SIPA1L2: variants seen among roughly 807,000 people sequenced by gnomAD.
SIPA1L2 encodes the protein signal induced proliferation associated 1 like 2, also known as signal-induced proliferation-associated 1-like protein 2.
In SIPA1L2, 56 loss-of-function variants were observed where a neutral mutation model predicts 163.9. That is an observed-to-expected ratio of 0.34 (90% confidence interval 0.28 to 0.43). The LOEUF (loss-of-function observed/expected upper bound fraction) is 0.43. Among genes scored for constraint, SIPA1L2 ranks in the 20% least tolerant of loss-of-function variants. SIPA1L2 has a pLI of 1.00. For synonymous variants in SIPA1L2, 877 were observed against 865.7 expected (o/e 1.01, Z -0.23); for missense variants, 1,974 against 2,193.5 (o/e 0.90, Z 2.00).
intron 18 of SIPA1L2, among the ~76,000 whole-genome samples, chr1:232,423,174 C>T (rs935074925): frequency 2.6e-5 from 4 of 152,244 alleles, no homozygotes; most frequent in African/African-American, 9.6e-5. Flanking sequence ...CAATTAGAGG[C>T]TAATGCAAGT....
intron 3 of SIPA1L2, among the ~76,000 whole-genome samples, chr1:232,510,176 G>A (rs1345988148): frequency 2.0e-5 from 3 of 152,012 alleles, no homozygotes; most frequent in Non-Finnish European, 4.4e-5. Context: ...AGATGAATAA[G>A]GGGAAATGTC....
rs74144361 is a variant in SIPA1L2, at chr1:232,531,102, A to G, written c.-269-15494T>C. On this transcript the variant is annotated intron_variant, in intron 2 of 22. Coordinates refer to ENST00000674635, the MANE Select transcript of SIPA1L2 (RefSeq NM_020808.5). ...TCTGTAGGTGCCAAGCACTTTCTAA[A>G]TGCCTTTTAAGTATTTGAATTTTGA... 6.3e-3 allele frequency among the ~76,000 whole-genome samples: 965 copies of G among 152,314 alleles called. 11 individuals are homozygous for G. The highest frequency in any genetic ancestry group is 0.022 in the African/African-American group (917 of 41,550).
intron 2 of SIPA1L2, among the ~76,000 whole-genome samples, chr1:232,555,240 ACT>A (rs973149790): frequency 4.6e-5 from 7 of 152,200 alleles, no homozygotes; most frequent in Non-Finnish European, 1.0e-4. Context: ...AAGTTTTCAG[ACT>A]CAACAATTCA....
At chr1:232,494,825 C>T (rs973381657) in intron 3 of SIPA1L2, among the ~76,000 whole-genome samples, 1 of 152,158 alleles carries the variant, frequency 6.6e-6, no homozygotes, top group African/African-American at 2.4e-5. Flanking sequence ...AGGTGGTAAA[C>T]GCAAACCTCC....
chr1:232,505,083 GAA>G (rs1380862853), intron 3 of SIPA1L2, among the ~76,000 whole-genome samples: 3 of 152,156 alleles, frequency 2.0e-5, no homozygotes, highest in Non-Finnish European at 4.4e-5. Context: ...AGTGAAAAAT[GAA>G]AAGACTGAAG....
intron 2 of SIPA1L2, among the ~76,000 whole-genome samples, chr1:232,552,730 T>C (rs987681372): frequency 2.0e-5 from 3 of 152,124 alleles, no homozygotes; most frequent in Non-Finnish European, 2.9e-5. Context: ...GCAAATATAG[T>C]ATAAGAGAAA....
chr1:232,526,135 C>G (rs140796480), intron 2 of SIPA1L2, among the ~76,000 whole-genome samples: 52 of 152,318 alleles, frequency 3.4e-4, no homozygotes, highest in African/African-American at 1.3e-3. Context: ...TGAGAAGTGC[C>G]TAAGACTCTC....
rs754671627 is a variant in SIPA1L2, at chr1:232,515,234, G to C, written c.106C>G (p.Arg36Gly). 2 of 1,614,050 alleles carry C rather than the reference G, an allele frequency of 1.2e-6. No individual in the cohort carries two copies. The highest frequency in any genetic ancestry group is 2.2e-5 in the South Asian group (2 of 91,076). ...TTGCCATTAATGGCTTTAAATTTCCGAGCAAAATAATCATCTGACTGCATG... is the reference window on the plus strand; with the variant it reads ...TTGCCATTAATGGCTTTAAATTTCCCAGCAAAATAATCATCTGACTGCATG... ...RIMQSDDYFA[R>G]KFKAINGNMG... is the part of the protein sequence containing the mutation. The change falls in exon 3 of 23, where the codon CGG (arginine) becomes GGG (glycine). Residue 36 changes from arginine to glycine, a missense_variant. By Grantham distance (125) the Arg-to-Gly change is moderately radical. Coordinates refer to ENST00000674635, the MANE Select transcript of SIPA1L2 (RefSeq NM_020808.5).
chr1:232,406,733 G>A (rs1303726197), intron 19 of SIPA1L2, among the ~76,000 whole-genome samples: 1 of 152,148 alleles, frequency 6.6e-6, no homozygotes, highest in Non-Finnish European at 1.5e-5. Context: ...TGGTGGGGGT[G>A]AATGGTCTGA....
intron 1 of SIPA1L2, among the ~76,000 whole-genome samples, chr1:232,618,506 T>A (rs1207629537): frequency 1.3e-5 from 2 of 152,022 alleles, no homozygotes. Context: ...ATACAAAAAT[T>A]AGCTGGGCAT....
intron 1 of SIPA1L2, among the ~76,000 whole-genome samples, chr1:232,588,558 G>A (rs902716763): frequency 4.6e-5 from 7 of 152,088 alleles, no homozygotes; most frequent in Non-Finnish European, 8.8e-5. Context: ...TCATAGATAG[G>A]GTTTCAGGAT....
At chr1:232,416,730 C>A (rs543045202) in intron 18 of SIPA1L2, among the ~76,000 whole-genome samples, 4 of 152,328 alleles carry the variant, frequency 2.6e-5, no homozygotes, top group African/African-American at 7.2e-5. Flanking sequence ...ACAAAGCACA[C>A]ACATAGTGGT....
At position 232,570,500 on chromosome 1, in the gene SIPA1L2, C is replaced by T. The variant is rs191459027; in HGVS notation, c.-270+3674G>A. On this transcript the variant is annotated intron_variant, in intron 2 of 22. Coordinates refer to ENST00000674635, the MANE Select transcript of SIPA1L2 (RefSeq NM_020808.5). Reference sequence around the variant, plus strand: ...CACTGCAAAAGAAAAACTAAAAGAACCAAAGCAATTGAACTTCATTCATAC... The same window carrying T: ...CACTGCAAAAGAAAAACTAAAAGAATCAAAGCAATTGAACTTCATTCATAC... Among the ~76,000 whole-genome samples the T allele has an allele frequency of 3.0e-3, 458 of 152,248 alleles. 3 individuals carry two copies. The highest frequency in any genetic ancestry group is 4.5e-3 in the Non-Finnish European group (303 of 68,004).
chr1:232,410,417 C>A (rs531005980), intron 19 of SIPA1L2, among the ~76,000 whole-genome samples: 1 of 152,178 alleles, frequency 6.6e-6, no homozygotes, highest in South Asian at 2.1e-4. Context: ...CAATTTACTA[C>A]TGAATTTCAT....
intron 2 of SIPA1L2, among the ~76,000 whole-genome samples, chr1:232,532,337 G>C (rs986826738): frequency 6.6e-6 from 1 of 152,196 alleles, no homozygotes; most frequent in African/African-American, 2.4e-5. Flanking sequence ...TTAAGATAGA[G>C]AAGATTGTAG....
intron 3 of SIPA1L2, among the ~76,000 whole-genome samples, chr1:232,496,777 C>T (rs1382699604): frequency 1.3e-5 from 2 of 152,132 alleles, no homozygotes; most frequent in African/African-American, 2.4e-5. Flanking sequence ...CAATAACTTT[C>T]GTTTTTCCCT....
rs375087846 is a variant in SIPA1L2 at position 232,558,481 on chromosome 1, T to C, written c.-270+15693A>G. ...CCTCTGTCTACCTTCAGGAAGGGAATATGGCACTGAGAAAAGGCTGGCATT... is the reference window on the plus strand; with the variant it reads ...CCTCTGTCTACCTTCAGGAAGGGAACATGGCACTGAGAAAAGGCTGGCATT... On this transcript the variant is annotated intron_variant, in intron 2 of 22. Transcript: ENST00000674635. 3.9e-5 allele frequency among the ~76,000 whole-genome samples: 6 copies of C among 152,320 alleles called. No individual in the cohort carries two copies. In the South Asian group the frequency reaches 1.0e-3, roughly 26 times the overall value.
At chr1:232,429,648 A>C (rs1160809251) in intron 16 of SIPA1L2, among the ~76,000 whole-genome samples, 1 of 152,148 alleles carries the variant, frequency 6.6e-6, no homozygotes, top group Non-Finnish European at 1.5e-5. Flanking sequence ...CTTTTAAAAC[A>C]TTACTGAAGA....
At chr1:232,403,132 C>T (rs1007199564) in intron 21 of SIPA1L2, among the ~76,000 whole-genome samples, 1 of 152,216 alleles carries the variant, frequency 6.6e-6, no homozygotes, top group Non-Finnish European at 1.5e-5. Flanking sequence ...TGCAGTAATT[C>T]AGCAGCAGAC....
Sources: allele counts gnomAD v4.1 joint callset (sites outside exome capture counted in the v4.1 genomes callset), GRCh38; gene constraint gnomAD v4.1.1; transcripts MANE v1.5; gene names NCBI Gene and HGNC (gene_info 2026-07-23, HGNC 2026-07-21).